Variants in CNTNAP2 observed in about 807,000 individuals in gnomAD.
CNTNAP2 encodes contactin-associated protein-like 2.
CNTNAP2 carries 98 observed loss-of-function variants against 155.2 expected under a neutral mutation model. The observed-to-expected ratio is 0.63, with a 90% confidence interval of 0.54 to 0.75. The LOEUF (loss-of-function observed/expected upper bound fraction) is 0.75, where lower values mean the gene tolerates loss of function less well. Ranked by LOEUF, CNTNAP2 falls within the 30% of genes least tolerant of loss-of-function variation. The pLI is 0.00. For synonymous variants in CNTNAP2, 651 were observed against 631.2 expected (o/e 1.03, Z -0.47); for missense variants, 1,727 against 1,688.1 (o/e 1.02, Z -0.40).
intron 19 of CNTNAP2, among the ~76,000 whole-genome samples, chr7:148,218,936 C>CTTTTTTTTTTTTTTTTT (rs746349465): frequency 1.4e-5 from 1 of 73,630 alleles, no homozygotes. Flanking sequence ...TAAGATCACT[C>CTTTTTTTTTTTTTTTTT]TTTTTTTTTT....
chr7:148,327,072 T>C (rs981370353), intron 21 of CNTNAP2, among the ~76,000 whole-genome samples: 7 of 152,136 alleles, frequency 4.6e-5, no homozygotes, highest in Non-Finnish European at 8.8e-5. Context: ...CAGTTTCTTG[T>C]GGACGTTGCT....
chr7:147,695,341 C>T (rs942789473), intron 13 of CNTNAP2, among the ~76,000 whole-genome samples: 8 of 151,976 alleles, frequency 5.3e-5, no homozygotes, highest in Admixed American at 3.3e-4. Context: ...TTATAGGTGT[C>T]GACTGTACCT....
intron 1 of CNTNAP2, among the ~76,000 whole-genome samples, chr7:146,556,600 A>G (rs802013): frequency 0.82 from 124,179 of 152,118 alleles, 51,304 homozygotes; most frequent in African/African-American, 0.9. Context: ...AAATACTAGG[A>G]CAGTTAAGAA....
intron 3 of CNTNAP2, among the ~76,000 whole-genome samples, chr7:146,883,060 A>G (rs1267960028): frequency 6.6e-6 from 1 of 152,178 alleles, no homozygotes; most frequent in East Asian, 1.9e-4. Context: ...AGAATAGGTT[A>G]TGTACTTTTT....
chr7:147,919,459 C>CTTTCTTTCTTTTT (rs58537091), intron 14 of CNTNAP2, among the ~76,000 whole-genome samples: 1 of 51,240 alleles, frequency 2.0e-5, no homozygotes, highest in African/African-American at 1.1e-4. Context: ...CTTTTTCTTT[C>CTTTCTTTCTTTTT]TTTTTTTTTT....
intron 1 of CNTNAP2, among the ~76,000 whole-genome samples, chr7:146,559,843 A>G (rs956661216): frequency 1.4e-4 from 7 of 50,654 alleles, no homozygotes; most frequent in Non-Finnish European, 8.4e-5. Flanking sequence ...TGTCATTTAA[A>G]TTACATACAA....
chr7:147,211,551 A>T (rs926872488), intron 8 of CNTNAP2, among the ~76,000 whole-genome samples: 3 of 152,098 alleles, frequency 2.0e-5, no homozygotes, highest in South Asian at 2.1e-4. Flanking sequence ...TCACCAAAAA[A>T]TTAGGAATGG....
At chr7:146,373,776 A>C (rs1795269544) in intron 1 of CNTNAP2, among the ~76,000 whole-genome samples, 1 of 152,196 alleles carries the variant, frequency 6.6e-6, no homozygotes, top group South Asian at 2.1e-4. Flanking sequence ...ATTGGGGTAC[A>C]TACGGAAGAT....
In CNTNAP2 at chr7:148,215,130, T is replaced by C. The variant is rs1258073262; in HGVS notation, c.3011-2158T>C. 2.0e-5 allele frequency among the ~76,000 whole-genome samples: 3 copies of C among 152,218 alleles called. No individual in the cohort carries two copies. The East Asian group carries it at 5.8e-4, about 29-fold the overall frequency. The stretch of plus-strand genomic sequence containing the variant: ...TAACAGTGCCATGGTGGATTATATG[T>C]GTCAACATAATTAACAGAAAGAGGA... On this transcript the variant is annotated intron_variant, in intron 18 of 23. Transcript: ENST00000361727.
At chr7:147,830,417 T>G (rs990982752) in intron 13 of CNTNAP2, among the ~76,000 whole-genome samples, 3 of 152,070 alleles carry the variant, frequency 2.0e-5, no homozygotes, top group African/African-American at 7.2e-5. Context: ...CATGACCTAC[T>G]TCCCCCCCAA....
intron 1 of CNTNAP2, among the ~76,000 whole-genome samples, chr7:146,324,972 T>C (rs1000060465): frequency 1.3e-5 from 2 of 152,186 alleles, no homozygotes; most frequent in Admixed American, 6.5e-5. Context: ...TCCCACTCTG[T>C]TGCACAGGCT....
rs746913034 is a variant in CNTNAP2, at chr7:147,925,152, AGAGAAGGAAG to A, written c.2255+21434_2255+21443del. Among the ~76,000 whole-genome samples the A allele has an allele frequency of 8.8e-3, 942 of 107,452 alleles. 9 individuals are homozygous for A. The highest frequency in any genetic ancestry group is 0.027 in the African/African-American group (775 of 28,616). 70.5% of individuals were successfully genotyped at this position (107,452 alleles called of 152,430 possible). A position where few individuals can be genotyped will look rare whatever the true frequency, so the allele number is the denominator to read the frequency against. On this transcript the variant is annotated intron_variant, in intron 14 of 23. Coordinates refer to ENST00000361727, the MANE Select transcript of CNTNAP2 (RefSeq NM_014141.6). The stretch of plus-strand genomic sequence containing the variant: ...AAAGAGAGAAGAGAGAGAGAGAGAG[AGAGAAGGAAG>A]GAAGGAAGGAAGGAAGGAAGGAAGG...
intron 3 of CNTNAP2, among the ~76,000 whole-genome samples, chr7:147,026,020 T>C (rs950123876): frequency 3.3e-5 from 5 of 152,060 alleles, no homozygotes; most frequent in African/African-American, 7.2e-5. Context: ...CTACCACGCC[T>C]GGCTAATTTT....
At chr7:147,167,661 C>A in intron 8 of CNTNAP2, 1 of 398,472 alleles carries the variant, frequency 2.5e-6, no homozygotes, top group South Asian at 4.6e-5. Flanking sequence ...GTATGGGCCA[C>A]CTTATTATTA....
chr7:146,248,889 A>C (rs1799710512), intron 1 of CNTNAP2, among the ~76,000 whole-genome samples: 1 of 152,290 alleles, frequency 6.6e-6, no homozygotes, highest in African/African-American at 2.4e-5. Context: ...ACCTGGGTGC[A>C]GGCAGGCTGA....
chr7:147,838,792 T>C (rs142396587), intron 13 of CNTNAP2, among the ~76,000 whole-genome samples: 6,738 of 152,250 alleles, frequency 0.044, 271 homozygotes, highest in Admixed American at 0.12. Flanking sequence ...TTTTGAGCCC[T>C]CCAAACTATT....
At chr7:147,903,823 A>G in intron 14 of CNTNAP2, 102 bp downstream of exon 14, 1 of 1,400,490 alleles carries the variant, frequency 7.1e-7, no homozygotes, top group African/African-American at 1.4e-5. Flanking sequence ...TAATAATACG[A>G]TAATAGGGTA....
At chr7:148,084,783 C>T (rs1235929711) in intron 15 of CNTNAP2, among the ~76,000 whole-genome samples, 1 of 152,092 alleles carries the variant, frequency 6.6e-6, no homozygotes, top group Non-Finnish European at 1.5e-5. Flanking sequence ...CAAAATAATC[C>T]ACACTCTCCT....
intron 13 of CNTNAP2, among the ~76,000 whole-genome samples, chr7:147,755,127 G>C (rs1485175077): frequency 6.6e-6 from 1 of 152,100 alleles, no homozygotes; most frequent in Admixed American, 6.5e-5. Flanking sequence ...GTGACCTCAG[G>C]CAGAAAAATT....
Sources: gnomAD v4.1 joint callset for allele counts (sites outside exome capture counted in the v4.1 genomes callset) on GRCh38, gnomAD v4.1.1 for gene constraint, MANE v1.5 for transcripts, NCBI Gene and HGNC (gene_info 2026-07-23, HGNC 2026-07-21) for gene names.